SGIP1: variants seen among roughly 807,000 people sequenced by gnomAD.
The protein encoded by SGIP1 is SH3GL interacting endocytic adaptor 1.
A neutral mutation model predicts 107.5 loss-of-function variants in SGIP1; 38 were observed. The observed-to-expected ratio is 0.35, with a 90% confidence interval of 0.27 to 0.46. SGIP1 has a LOEUF of 0.46. SGIP1 is among the 20% of genes least tolerant of loss of function. The probability of loss-of-function intolerance (pLI) is 1.00; values close to 1 mark genes in which losing one functional copy is unlikely to be tolerated. For missense variants in SGIP1, 929 were observed against 1,019.5 expected (o/e 0.91, Z 1.21); for synonymous variants, 365 against 366.1 (o/e 1.00, Z 0.03).
At chr1:66,733,930 T>C in intron 21 of SGIP1, 50 bp downstream of exon 21, 1 of 1,568,596 alleles carries the variant, frequency 6.4e-7, no homozygotes, top group Non-Finnish European at 8.7e-7. Flanking sequence ...ATATTTGTTT[T>C]CTAAAGTACC....
intron 1 of SGIP1, among the ~76,000 whole-genome samples, chr1:66,617,211 A>G (rs915961050): frequency 2.0e-5 from 3 of 152,336 alleles, no homozygotes; most frequent in African/African-American, 7.2e-5. Context: ...TGCACCAGGT[A>G]CTGCTAGACA....
chr1:66,743,259 T>A lies in SGIP1; in HGVS notation c.*164T>A, dbSNP rs2094510520. ...CTGTGATTTCCCTCACACACTACCATGATGACCAGTCCTACAGTATTTACT... is the reference window on the plus strand; with the variant it reads ...CTGTGATTTCCCTCACACACTACCAAGATGACCAGTCCTACAGTATTTACT... On this transcript the variant is annotated 3_prime_UTR_variant, in exon 25 of 25. Transcript: ENST00000371037. The A allele has an allele frequency of 1.6e-6, 1 of 618,530 alleles. No individual in the cohort carries two copies. Among genetic ancestry groups the A allele is most frequent in the Admixed American group, 2.7e-5 (1 of 37,318 alleles). 38.3% of individuals were successfully genotyped at this position (618,530 alleles called of 1,614,324 possible). A position where few individuals can be genotyped will look rare whatever the true frequency, so the allele number is the denominator to read the frequency against.
chr1:66,589,556 C>A (rs1239022575), intron 1 of SGIP1, among the ~76,000 whole-genome samples: 1 of 151,864 alleles, frequency 6.6e-6, no homozygotes, highest in African/African-American at 2.4e-5. Context: ...GGACTTTGTG[C>A]CTCCCCACCA....
At chr1:66,563,805 A>G (rs1437931451) in intron 1 of SGIP1, among the ~76,000 whole-genome samples, 1 of 152,002 alleles carries the variant, frequency 6.6e-6, no homozygotes, top group African/African-American at 2.4e-5. Flanking sequence ...AAGAGAAAGA[A>G]TATCATTTGA....
At chr1:66,643,494 C>T (rs367569344) in intron 6 of SGIP1, 50 bp from the exon 7 acceptor site, 17 of 1,509,146 alleles carry the variant, frequency 1.1e-5, no homozygotes, top group Non-Finnish European at 1.3e-5. Flanking sequence ...GTCTTGGAGT[C>T]GTTGCCTCCC....
intron 11 of SGIP1, 34 bp downstream of exon 11, chr1:66,672,029 A>G (rs376664498): frequency 1.2e-6 from 2 of 1,603,710 alleles, no homozygotes; most frequent in South Asian, 1.1e-5. Flanking sequence ...TGTTTTATGC[A>G]AGGCATCATG....
At chr1:66,538,707 C>A (rs995877451) in intron 1 of SGIP1, among the ~76,000 whole-genome samples, 3 of 152,186 alleles carry the variant, frequency 2.0e-5, no homozygotes, top group African/African-American at 4.8e-5. Context: ...GAGTCTCACA[C>A]AAGTCCATCA....
intron 1 of SGIP1, among the ~76,000 whole-genome samples, chr1:66,625,058 C>A (rs2072281797): frequency 1.3e-5 from 2 of 152,108 alleles, no homozygotes; most frequent in Non-Finnish European, 2.9e-5. Context: ...GGATCACAGC[C>A]TACTAGGGAA....
In SGIP1 at chr1:66,534,304, A is replaced by G; in HGVS notation, c.-55A>G. 1.2e-6 allele frequency: 2 copies of G among 1,604,190 alleles called. No homozygotes were observed. Among genetic ancestry groups the G allele is most frequent in the Non-Finnish European group, 1.7e-6 (2 of 1,171,054 alleles). On this transcript the variant is annotated 5_prime_UTR_variant, in exon 1 of 25. Transcript: ENST00000371037. ...GGACTTAGCTGGGACCTGGAATCGT[A>G]TCCTCCTGTGTTTTTTCAGACTCCT...
intron 1 of SGIP1, among the ~76,000 whole-genome samples, chr1:66,557,537 A>G (rs1338955131): frequency 6.6e-6 from 1 of 152,122 alleles, no homozygotes; most frequent in East Asian, 1.9e-4. Context: ...TCTTAGACAG[A>G]ACATACAAAG....
intron 1 of SGIP1, among the ~76,000 whole-genome samples, chr1:66,559,470 A>G (rs2058634098): frequency 6.6e-6 from 1 of 152,126 alleles, no homozygotes; most frequent in Admixed American, 6.6e-5. Flanking sequence ...TTCGAGGAAG[A>G]GAAAACTCTA....
At chr1:66,554,775 G>A (rs1185123265) in intron 1 of SGIP1, among the ~76,000 whole-genome samples, 2 of 152,068 alleles carry the variant, frequency 1.3e-5, no homozygotes, top group Non-Finnish European at 2.9e-5. Context: ...TGGGTCCCAA[G>A]CATTTTGGAT....
intron 4 of SGIP1, among the ~76,000 whole-genome samples, chr1:66,637,628 A>C (rs1037619980): frequency 3.0e-4 from 46 of 151,816 alleles, no homozygotes; most frequent in African/African-American, 1.1e-3. Context: ...TTTGGTTTTC[A>C]TGCAAACTGG....
intron 19 of SGIP1, 103 bp downstream of exon 19, chr1:66,719,508 A>G: frequency 1.3e-6 from 1 of 749,122 alleles, no homozygotes; most frequent in Non-Finnish European, 2.1e-6. Context: ...AAAGCAAAAA[A>G]TAATTCAGTT....
At chr1:66,680,556 A>C (rs1416750922) in intron 14 of SGIP1, among the ~76,000 whole-genome samples, 2 of 152,218 alleles carry the variant, frequency 1.3e-5, no homozygotes, top group Non-Finnish European at 2.9e-5. Flanking sequence ...CAAAAGCACG[A>C]TGTAGTTATT....
rs150197923 is a variant in SGIP1, at chr1:66,536,300, A to G, written c.10+1932A>G. On this transcript the variant is annotated intron_variant, in intron 1 of 24. Coordinates refer to ENST00000371037, the MANE Select transcript of SGIP1 (RefSeq NM_032291.4). The stretch of plus-strand genomic sequence containing the variant: ...TCTTTCACCAGATCTTTTGCAAGAG[A>G]AATTGGACAGGTGTTCCCACTGGCT... 1.5e-3 allele frequency among the ~76,000 whole-genome samples: 231 copies of G among 152,348 alleles called. 2 individuals carry two copies. Among genetic ancestry groups the G allele is most frequent in the African/African-American group, 5.1e-3 (211 of 41,576 alleles).
rs187339788 is a variant in SGIP1, at chr1:66,720,030, A to G, written c.1742+625A>G. On this transcript the variant is annotated intron_variant, in intron 19 of 24. Transcript: ENST00000371037. ...TACATGAGCCTGATTTCACTTATAC[A>G]TGTACATACTGACAATGGACTTGGT... Among the ~76,000 whole-genome samples, 141 of 152,342 alleles carry G rather than the reference A, an allele frequency of 9.3e-4. 3 individuals carry two copies. The South Asian group carries it at 0.021, about 22-fold the overall frequency.
chr1:66,659,015 G>C (rs1312667091), intron 7 of SGIP1, among the ~76,000 whole-genome samples: 9 of 152,166 alleles, frequency 5.9e-5, no homozygotes, highest in Admixed American at 5.9e-4. Flanking sequence ...GTGCAGCGAA[G>C]TGCAGGCTTC....
At chr1:66,668,917 CT>C (rs1557545515) in intron 9 of SGIP1, among the ~76,000 whole-genome samples, 1 of 152,154 alleles carries the variant, frequency 6.6e-6, no homozygotes, top group African/African-American at 2.4e-5. Context: ...ATCCAATGGG[CT>C]TTTTTCCTGA....
Sources: gnomAD v4.1 joint callset for allele counts (sites outside exome capture counted in the v4.1 genomes callset) on GRCh38, gnomAD v4.1.1 for gene constraint, MANE v1.5 for transcripts, NCBI Gene and HGNC (gene_info 2026-07-23, HGNC 2026-07-21) for gene names.